The following GAS6 variants were observed in gnomAD, a reference collection of about 807,000 sequenced individuals.
The protein encoded by GAS6 is growth arrest specific 6, also known as growth arrest-specific protein 6.
In GAS6, 41 loss-of-function variants were observed where a neutral mutation model predicts 75.8. The ratio of observed to expected loss-of-function variants is 0.54; its 90% CI spans 0.42 to 0.70. The LOEUF is 0.70. Ranked by LOEUF, GAS6 falls within the 30% of genes least tolerant of loss-of-function variation. GAS6 has a pLI of 0.00. For missense variants in GAS6, 854 were observed against 940.2 expected, an observed-to-expected ratio of 0.91 and a Z score of 1.20; for synonymous variants, 432 against 412.6, an observed-to-expected ratio of 1.05 and a Z score of -0.57.
chr13:113,834,907 G>A, intron 7 of GAS6: 1 of 411,502 alleles, frequency 2.4e-6, no homozygotes, highest in Non-Finnish European at 4.2e-6. Context: ...AGGTGTCCCA[G>A]GAGGGTGCTC....
intron 10 of GAS6, 131 bp from the exon 11 acceptor site, chr13:113,828,842 C>T: frequency 2.0e-6 from 2 of 985,920 alleles, no homozygotes; most frequent in Non-Finnish European, 3.0e-6. Flanking sequence ...CTGATCCTCA[C>T]CTGGGCCAAG....
At chr13:113,847,786 A>AG (rs1171869845) in intron 3 of GAS6, 5 of 546,108 alleles carry the variant, frequency 9.2e-6, no homozygotes, top group Non-Finnish European at 6.5e-6. Context: ...AACTCAGAGA[A>AG]GGGGTTTGCA....
At chr13:113,832,163 G>T (rs1269625313) in intron 10 of GAS6, 136 bp downstream of exon 10, 33 of 1,012,788 alleles carry the variant, frequency 3.3e-5, no homozygotes, top group Non-Finnish European at 4.7e-5. Flanking sequence ...ACGGGGCAGG[G>T]GTCCCCGTCC....
rs113597710 is a variant in GAS6 at position 113,845,902 on chromosome 13, A to G, written c.343+625T>C. 2.1e-3 allele frequency among the ~76,000 whole-genome samples: 322 copies of G among 152,378 alleles called. 4 individuals are homozygous for G. The highest frequency in any genetic ancestry group is 6.8e-3 in the Middle Eastern group (2 of 294). On this transcript the variant is annotated intron_variant, in intron 4 of 14. Coordinates refer to ENST00000327773, the MANE Select transcript of GAS6 (RefSeq NM_000820.4). The surrounding 1 kb of genome is among the most constrained non-coding windows in gnomAD (Gnocchi z 4.3). Reference sequence around the variant, plus strand: ...GGCAGTATCTGTATCCAAAGGAAACATGAGGACTGCCTCTGCGATTCCATC... The same window carrying G: ...GGCAGTATCTGTATCCAAAGGAAACGTGAGGACTGCCTCTGCGATTCCATC...
At position 113,862,571 on chromosome 13, in the gene GAS6, C is replaced by G. The variant is rs555330912; in HGVS notation, c.255+1004G>C. ...GGGGCTGTGGGCAGCCCCCGGGCAA[C>G]AGCCCCAGGTGCGTCATCTCTGCAG... On this transcript the variant is annotated intron_variant, in intron 2 of 14. Transcript: ENST00000327773. 1.3e-3 allele frequency among the ~76,000 whole-genome samples: 193 copies of G among 152,346 alleles called. 1 individual carries two copies. The highest frequency in any genetic ancestry group is 4.3e-3 in the African/African-American group (179 of 41,578).
intron 2 of GAS6, among the ~76,000 whole-genome samples, chr13:113,851,975 C>A (rs1001961572): frequency 6.6e-6 from 1 of 152,202 alleles, no homozygotes; most frequent in Non-Finnish European, 1.5e-5. Flanking sequence ...CATTAGGTCT[C>A]TCGGAGGTTT....
intron 4 of GAS6, chr13:113,842,927 C>A: frequency 2.5e-6 from 1 of 396,848 alleles, no homozygotes; most frequent in South Asian, 1.3e-4. Flanking sequence ...GTGCCCAGCT[C>A]TTAAGCGGTC....
At chr13:113,860,839 G>A (rs1262812738) in intron 2 of GAS6, among the ~76,000 whole-genome samples, 1 of 152,136 alleles carries the variant, frequency 6.6e-6, no homozygotes, top group Non-Finnish European at 1.5e-5. Flanking sequence ...GGTGTGTGGG[G>A]AGGGCCAGAG....
At chr13:113,825,234 C>CAAA (rs71105207) in intron 12 of GAS6, among the ~76,000 whole-genome samples, 5,001 of 58,076 alleles carry the variant, frequency 0.086, 329 homozygotes, top group African/African-American at 0.13. Context: ...AACTCCGTCT[C>CAAA]AAAAAAAAAA....
At chr13:113,846,852 G>A in intron 3 of GAS6, 1 of 524,996 alleles carries the variant, frequency 1.9e-6, no homozygotes, top group Non-Finnish European at 3.5e-6. Flanking sequence ...TTTCGAGGGG[G>A]CTCCTCCTGC....
Position 113,863,834 on chromosome 13 carries a change from A to G in GAS6, c.87T>C (p.Leu29=). Residue 29 remains leucine, a splice_region_variant and synonymous_variant, in exon 1 of 15, where the codon CTT becomes CTC. Transcript: ENST00000327773. The surrounding 1 kb of genome is among the most constrained non-coding windows in gnomAD (Gnocchi z 9.4). ...LLLLLAAECA[L]AALLPAREAT... is the part of the protein sequence containing the mutation. ...GGGTCTCGGGCCCGCGGGACTCACC[A>G]AGCGCGCACTCCGCGGCCAGCAGCA... is the stretch of plus-strand genomic sequence containing the variant. 7.7e-7 allele frequency: 1 copy of G among 1,302,544 alleles called. No individual in the cohort carries two copies. The highest frequency in any genetic ancestry group is 9.7e-7 in the Non-Finnish European group (1 of 1,032,104). The allele number at this position is 1,302,544 out of a possible 1,614,324, so 80.7% of individuals were successfully genotyped here. A position where few individuals can be genotyped will look rare whatever the true frequency, so the allele number is the denominator to read the frequency against.
At chr13:113,822,540 C>T (rs1267123550) in intron 13 of GAS6, 1 of 215,692 alleles carries the variant, frequency 4.6e-6, no homozygotes, top group Non-Finnish European at 9.1e-6. Flanking sequence ...GGACCCAGGA[C>T]CCAGCCCTGC....
At chr13:113,825,476 G>C (rs571052780) in intron 12 of GAS6, among the ~76,000 whole-genome samples, 80 of 152,252 alleles carry the variant, frequency 5.3e-4, no homozygotes, top group Middle Eastern at 3.4e-3. Context: ...TCTTGTAAGA[G>C]ACGTTACTGG....
Position 113,863,270 on chromosome 13 carries a change from G to A in GAS6, c.255+305C>T, listed in dbSNP as rs2051987517. On this transcript the variant is annotated intron_variant, in intron 2 of 14. Coordinates refer to ENST00000327773, the MANE Select transcript of GAS6 (RefSeq NM_000820.4). The surrounding 1 kb of genome is among the most constrained non-coding windows in gnomAD (Gnocchi z 9.4). ...AGCAGAGGGAGGGCCGCGGGGAAGC[G>A]GTTTGGGTTTTAACCATTGTGTTTC... 6.6e-6 allele frequency among the ~76,000 whole-genome samples: 1 copy of A among 152,182 alleles called. No individual in the cohort carries two copies. The highest frequency in any genetic ancestry group is 1.5e-5 in the Non-Finnish European group (1 of 68,022).
At chr13:113,821,078 CCCCCCA>C in intron 14 of GAS6, 60 bp from the exon 15 acceptor site, 15 of 1,574,710 alleles carry the variant, frequency 9.5e-6, no homozygotes, top group Non-Finnish European at 1.3e-5. Flanking sequence ...CCCGCCTGGC[CCCCCCA>C]CCCCCGGCAG....
chr13:113,839,605 C>A, intron 5 of GAS6, 123 bp downstream of exon 5: 1 of 1,308,310 alleles, frequency 7.6e-7, no homozygotes, highest in South Asian at 1.4e-5. Flanking sequence ...GGGCTGCAGC[C>A]TCCTTGGGGC....
intron 13 of GAS6, 90 bp from the exon 14 acceptor site, chr13:113,822,276 C>T: frequency 2.0e-6 from 2 of 1,014,210 alleles, no homozygotes; most frequent in Non-Finnish European, 1.4e-6. Context: ...GCTGGCCACC[C>T]CTACGCCGCA....
In GAS6 at chr13:113,823,548, G is replaced by C; in HGVS notation, c.1480C>G (p.Arg494Gly). 2 of 1,609,062 alleles carry C rather than the reference G, an allele frequency of 1.2e-6. No homozygotes were observed. Among genetic ancestry groups the C allele is most frequent in the South Asian group, 1.1e-5 (1 of 90,658 alleles). ...TCAGTCCCGACGTCCAGAGGGGTCCGCACTGCAATGAAAGCGGTGCATTAT... is the reference window on the plus strand; with the variant it reads ...TCAGTCCCGACGTCCAGAGGGGTCCCCACTGCAATGAAAGCGGTGCATTAT... ...GFAFYSLDYM[R>G]TPLDVGTEST... The change falls in exon 13 of 15, where the codon CGG becomes GGG. Residue 494 changes from arginine (R) to glycine (G), a missense_variant and splice_region_variant. Arg to Gly is a moderately radical substitution (Grantham distance 125). Coordinates refer to ENST00000327773, the MANE Select transcript of GAS6 (RefSeq NM_000820.4).
rs562449966 is a variant in GAS6, at chr13:113,831,149, T to C, written c.1143+1150A>G. ...GGCCCTCTCGCTCCACGGATGGGGA[T>C]GTGGGGTGGGCACGTTTTACCGCTG... On this transcript the variant is annotated intron_variant, in intron 10 of 14. Coordinates refer to ENST00000327773, the MANE Select transcript of GAS6 (RefSeq NM_000820.4). 2.1e-4 allele frequency among the ~76,000 whole-genome samples: 32 copies of C among 152,310 alleles called. No homozygotes were observed. The East Asian group carries it at 4.4e-3, about 21-fold the overall frequency.
Sources: gnomAD v4.1 joint callset for allele counts (sites outside exome capture counted in the v4.1 genomes callset) on GRCh38, gnomAD v4.1.1 for gene constraint, Gnocchi (gnomAD v3.1) non-coding constraint, MANE v1.5 for transcripts, NCBI Gene and HGNC (gene_info 2026-07-23, HGNC 2026-07-21) for gene names.